Variants in BARX2 observed in about 807,000 individuals in gnomAD.
BARX2 encodes homeobox protein BarH-like 2.
A neutral mutation model predicts 25.5 loss-of-function variants in BARX2; 11 were observed. The ratio of observed to expected loss-of-function variants is 0.43; its 90% CI spans 0.27 to 0.71. The LOEUF is 0.71. Among genes scored for constraint, BARX2 ranks in the 30% least tolerant of loss-of-function variants. BARX2 has a pLI of 0.19. For missense variants in BARX2, 360 were observed against 359.9 expected (o/e 1.00, Z 0.00); for synonymous variants, 137 against 149.5 (o/e 0.92, Z 0.61).
chr11:129,406,889 G>T (rs180955714), intron 1 of BARX2, among the ~76,000 whole-genome samples: 1 of 152,136 alleles, frequency 6.6e-6, no homozygotes, highest in Non-Finnish European at 1.5e-5. Context: ...TAAAAATCAG[G>T]TTAAAAAAAT....
rs1862377853 is a variant in BARX2 at position 129,450,056 on chromosome 11, G to A, written c.574-1080G>A. 1.3e-5 allele frequency among the ~76,000 whole-genome samples: 2 copies of A among 152,150 alleles called. 1 individual carries two copies. Among genetic ancestry groups the A allele is most frequent in the South Asian group, 4.1e-4 (2 of 4,822 alleles). On this transcript the variant is annotated intron_variant, in intron 3 of 3. Transcript: ENST00000281437. Reference sequence around the variant, plus strand: ...TGTTGGTCACCCTCACTGTCACCCTGTAATACAAGGTATTATTATTCCCAT... The same window carrying A: ...TGTTGGTCACCCTCACTGTCACCCTATAATACAAGGTATTATTATTCCCAT...
Position 129,448,677 on chromosome 11 carries a change from C to T in BARX2, c.574-2459C>T, listed in dbSNP as rs535595806. On this transcript the variant is annotated intron_variant, in intron 3 of 3. Coordinates refer to ENST00000281437, the MANE Select transcript of BARX2 (RefSeq NM_003658.5). ...AACCCTCATATGCAGCTGGCTGGAA[C>T]GTAAAATAGTGCTTTGGAAAACAGT... is the stretch of plus-strand genomic sequence containing the variant. Among the ~76,000 whole-genome samples the T allele has an allele frequency of 7.8e-4, 119 of 152,252 alleles. No homozygotes were observed. In the South Asian group the frequency reaches 0.023, roughly 29 times the overall value.
rs554029479 is a variant in BARX2 at position 129,391,244 on chromosome 11, G to A, written c.187+15022G>A. ...AGGATGGTTTTCACATTCGTAAACC[G>A]AGGAAAAGAAATCAAAAGCGGAACA... On this transcript the variant is annotated intron_variant, in intron 1 of 3. Coordinates refer to ENST00000281437, the MANE Select transcript of BARX2 (RefSeq NM_003658.5). Among the ~76,000 whole-genome samples, 53 of 152,280 alleles carry A rather than the reference G, an allele frequency of 3.5e-4. 1 individual carries two copies. Among genetic ancestry groups the A allele is most frequent in the Non-Finnish European group, 4.1e-4 (28 of 68,010 alleles).
At chr11:129,431,000 T>C (rs2135408702) in intron 1 of BARX2, among the ~76,000 whole-genome samples, 1 of 152,324 alleles carries the variant, frequency 6.6e-6, no homozygotes, top group South Asian at 2.1e-4. Context: ...TAGCTCGTAT[T>C]ATAAGCACGC....
intron 1 of BARX2, among the ~76,000 whole-genome samples, chr11:129,379,796 A>T (rs1283615192): frequency 6.6e-6 from 1 of 151,712 alleles, no homozygotes; most frequent in Non-Finnish European, 1.5e-5. Flanking sequence ...TTTTATTACA[A>T]TTTTTTCTAC....
intron 1 of BARX2, among the ~76,000 whole-genome samples, chr11:129,410,243 C>A (rs1861872062): frequency 6.6e-6 from 1 of 152,124 alleles, no homozygotes; most frequent in South Asian, 2.1e-4. Context: ...TTCCAGCTGT[C>A]TTCTACTTTG....
At chr11:129,448,827 C>T (rs181586370) in intron 3 of BARX2, among the ~76,000 whole-genome samples, 63 of 152,230 alleles carry the variant, frequency 4.1e-4, no homozygotes, top group African/African-American at 1.0e-3. Context: ...GATGAGTGAA[C>T]GAACAAAACA....
chr11:129,393,013 G>A (rs949493729), intron 1 of BARX2, among the ~76,000 whole-genome samples: 4 of 152,136 alleles, frequency 2.6e-5, no homozygotes, highest in African/African-American at 4.8e-5. Context: ...GTTCATGCCT[G>A]TAATCCTAGG....
chr11:129,427,162 GC>G (rs1862073182), intron 1 of BARX2, among the ~76,000 whole-genome samples: 3 of 152,304 alleles, frequency 2.0e-5, no homozygotes, highest in African/African-American at 7.2e-5. Context: ...GGAACCAAGT[GC>G]CCCCTGGGCA....
rs544984669 is a variant in BARX2, at chr11:129,390,700, G to A, written c.187+14478G>A. Among the ~76,000 whole-genome samples, 33 of 152,292 alleles carry A rather than the reference G, an allele frequency of 2.2e-4. No homozygotes were observed. Among genetic ancestry groups the A allele is most frequent in the African/African-American group, 7.5e-4 (31 of 41,564 alleles). ...CATTTGGAAATGGCCCTGTGAGTAC[G>A]TGCTTATTTTCAGAGGCGTTCCCCA... On this transcript the variant is annotated intron_variant, in intron 1 of 3. Coordinates refer to ENST00000281437, the MANE Select transcript of BARX2 (RefSeq NM_003658.5). This position sits in a 1 kb window ranked among gnomAD's most constrained non-coding sequence, Gnocchi z 4.3.
intron 3 of BARX2, among the ~76,000 whole-genome samples, chr11:129,443,335 C>T (rs1404981638): frequency 6.6e-6 from 1 of 152,122 alleles, no homozygotes; most frequent in Non-Finnish European, 1.5e-5. Context: ...TACCTGCTAG[C>T]CTTTTCAAAC....
At chr11:129,382,134 A>G (rs1221070573) in intron 1 of BARX2, among the ~76,000 whole-genome samples, 1 of 152,154 alleles carries the variant, frequency 6.6e-6, no homozygotes, top group Non-Finnish European at 1.5e-5. Context: ...CAGAGATGCA[A>G]AGGTAGGTAC....
intron 3 of BARX2, among the ~76,000 whole-genome samples, chr11:129,450,341 T>C (rs1862382395): frequency 1.3e-5 from 2 of 152,380 alleles, no homozygotes; most frequent in East Asian, 1.9e-4. Flanking sequence ...AAATGATTCA[T>C]GATCCTGCAA....
Position 129,425,916 on chromosome 11 carries a change from C to G in BARX2, c.188-10835C>G, listed in dbSNP as rs111965059. 7.1e-3 allele frequency among the ~76,000 whole-genome samples: 1,067 copies of G among 151,028 alleles called. 4 individuals are homozygous for G. Among genetic ancestry groups the G allele is most frequent in the Non-Finnish European group, 0.011 (764 of 67,928 alleles). ...TAACTGGAGGGTTATTCCAGAGTCT[C>G]TATCATGGTAGTCTAATATGGATTT... On this transcript the variant is annotated intron_variant, in intron 1 of 3. Transcript: ENST00000281437.
intron 2 of BARX2, among the ~76,000 whole-genome samples, chr11:129,442,098 A>T (rs1862267833): frequency 6.6e-6 from 1 of 152,200 alleles, no homozygotes; most frequent in Non-Finnish European, 1.5e-5. Flanking sequence ...TGGAATCTTT[A>T]TAATATTTAT....
At chr11:129,387,975 G>A (rs1347110269) in intron 1 of BARX2, among the ~76,000 whole-genome samples, 1 of 152,154 alleles carries the variant, frequency 6.6e-6, no homozygotes, top group African/African-American at 2.4e-5. Context: ...CGAATAAGTG[G>A]CAGGGTTGAG....
chr11:129,382,323 C>T (rs890960437), intron 1 of BARX2, among the ~76,000 whole-genome samples: 1 of 152,106 alleles, frequency 6.6e-6, no homozygotes, highest in East Asian at 1.9e-4. Context: ...GGACTACAGA[C>T]ATGTGCCACC....
intron 2 of BARX2, 62 bp downstream of exon 2, chr11:129,437,113 C>T (rs1027311252): frequency 6.9e-7 from 1 of 1,449,538 alleles, no homozygotes. Context: ...GACTTGCTCC[C>T]ATTGTGGGCC....
Position 129,451,673 on chromosome 11 carries a change from G to C in BARX2, c.*271G>C, listed in dbSNP as rs1466995698. 2.2e-6 allele frequency: 1 copy of C among 460,540 alleles called. No homozygotes were observed. The highest frequency in any genetic ancestry group is 3.6e-5 in the Admixed American group (1 of 27,802). The allele number at this position is 460,540 out of a possible 1,614,324, so 28.5% of individuals were successfully genotyped here. ...GAGCGCCTAGGAGCTGCCTGCCCCA[G>C]CTGGGGTGACGGCTGTAGGGCTGGG... On this transcript the variant is annotated 3_prime_UTR_variant, in exon 4 of 4. Coordinates refer to ENST00000281437, the MANE Select transcript of BARX2 (RefSeq NM_003658.5).
Sources: gnomAD v4.1 joint callset for allele counts (sites outside exome capture counted in the v4.1 genomes callset) on GRCh38, gnomAD v4.1.1 for gene constraint, Gnocchi (gnomAD v3.1) non-coding constraint, MANE v1.5 for transcripts, NCBI Gene and HGNC (gene_info 2026-07-23, HGNC 2026-07-21) for gene names.